SLC24A4: variants seen among roughly 807,000 people sequenced by gnomAD.
The protein encoded by SLC24A4 is solute carrier family 24 member 4, also known as sodium/potassium/calcium exchanger 4.
SLC24A4 carries 53 observed loss-of-function variants against 79.0 expected under a neutral mutation model. The observed-to-expected ratio is 0.67, with a 90% CI of 0.54 to 0.84. SLC24A4 has a LOEUF of 0.84. Among genes scored for constraint, SLC24A4 ranks in the 40% least tolerant of loss-of-function variants. The pLI is 0.00. For missense variants in SLC24A4, 731 were observed against 822.0 expected (o/e 0.89, Z 1.35); for synonymous variants, 323 against 323.8 (o/e 1.00, Z 0.03).
intron 2 of SLC24A4, among the ~76,000 whole-genome samples, 162 bp downstream of exon 2, chr14:92,326,140 G>A (rs1885115778): frequency 1.3e-5 from 2 of 152,212 alleles, no homozygotes; most frequent in South Asian, 4.1e-4. Flanking sequence ...AAAGACATTC[G>A]TCAATGGTGC....
At chr14:92,410,809 C>T (rs1890667823) in intron 2 of SLC24A4, among the ~76,000 whole-genome samples, 2 of 152,328 alleles carry the variant, frequency 1.3e-5, no homozygotes, top group East Asian at 1.9e-4. Context: ...CCTCTGCGGT[C>T]TCTGGATGAA....
intron 5 of SLC24A4, 42 bp downstream of exon 5, chr14:92,442,215 T>C: frequency 6.5e-7 from 1 of 1,539,354 alleles, no homozygotes. Flanking sequence ...ATCTAGAGAG[T>C]CCATTTGGTG....
rs564901433 is a variant in SLC24A4 at position 92,497,801 on chromosome 14, A to G, written c.*4173A>G. ...CCCATCTTTCCTTTCCTTCTGGGCC[A>G]TGCTCCTCCCTGGCTGGAAAAAGGT... On this transcript the variant is annotated 3_prime_UTR_variant, in exon 17 of 17. Coordinates refer to ENST00000532405, the MANE Select transcript of SLC24A4 (RefSeq NM_153646.4). 12 of 152,476 alleles carry G rather than the reference A, an allele frequency of 7.9e-5. No homozygotes were observed. In the East Asian group the frequency reaches 1.7e-3, roughly 22 times the overall value. The allele number at this position is 152,476 out of a possible 1,614,324, so 9.4% of individuals were successfully genotyped here.
chr14:92,384,165 G>A (rs184898020), intron 2 of SLC24A4, among the ~76,000 whole-genome samples: 2 of 152,182 alleles, frequency 1.3e-5, no homozygotes, highest in East Asian at 3.8e-4. Context: ...CTCCTCAGAA[G>A]AGCGTGGCAA....
rs1206177240 is a variant in SLC24A4 at position 92,398,576 on chromosome 14, C to T, written c.242-35336C>T. ...TAAGAAAAAGCCTGTTAGCCTCAGC[C>T]CCTTGCTCCCAGGACCACACCTGGC... is the stretch of plus-strand genomic sequence containing the variant. On this transcript the variant is annotated intron_variant, in intron 2 of 16. Coordinates refer to ENST00000532405, the MANE Select transcript of SLC24A4 (RefSeq NM_153646.4). The surrounding 1 kb of genome is among the most constrained non-coding windows in gnomAD (Gnocchi z 4.1). 6.6e-6 allele frequency among the ~76,000 whole-genome samples: 1 copy of T among 152,206 alleles called. No homozygotes were observed. The highest frequency in any genetic ancestry group is 2.4e-5 in the African/African-American group (1 of 41,446).
At chr14:92,349,276 C>G (rs1160203412) in intron 2 of SLC24A4, among the ~76,000 whole-genome samples, 1 of 152,060 alleles carries the variant, frequency 6.6e-6, no homozygotes, top group Non-Finnish European at 1.5e-5. Context: ...TACCCTGCCT[C>G]AGCCTCCTGA....
Position 92,445,303 on chromosome 14 carries a change from C to A in SLC24A4, c.658-14C>A, listed in dbSNP as rs756299672. ...TGTCCCACCCACCTCAACTCTGTTT[C>A]TTTTGCCTTACAGTTCATATATGAT... On this transcript the variant is annotated splice_polypyrimidine_tract_variant and intron_variant, in intron 7 of 16. Transcript: ENST00000532405. 1.2e-6 allele frequency: 2 copies of A among 1,614,142 alleles called. No individual in the cohort carries two copies. The highest frequency in any genetic ancestry group is 2.2e-5 in the South Asian group (2 of 91,080).
At position 92,496,467 on chromosome 14, in the gene SLC24A4, T is replaced by TG. The variant is rs1442747238; in HGVS notation, c.*2844dup. 1 of 151,758 alleles carries TG rather than the reference T, an allele frequency of 6.6e-6. No homozygotes were observed. The highest frequency in any genetic ancestry group is 1.5e-5 in the Non-Finnish European group (1 of 67,936). 9.4% of individuals were successfully genotyped at this position (151,758 alleles called of 1,614,324 possible). Reference sequence around the variant, plus strand: ...AAAAAATGAATTTAGCTCTTCTCATTGGGGGCAGAAAAGAAAAAAAAAACC... The same window carrying TG: ...AAAAAATGAATTTAGCTCTTCTCATTGGGGGGCAGAAAAGAAAAAAAAAACC... On this transcript the variant is annotated 3_prime_UTR_variant, in exon 17 of 17. Coordinates refer to ENST00000532405, the MANE Select transcript of SLC24A4 (RefSeq NM_153646.4).
chr14:92,470,485 C>T (rs1360677881), intron 12 of SLC24A4, among the ~76,000 whole-genome samples: 1 of 152,168 alleles, frequency 6.6e-6, no homozygotes, highest in African/African-American at 2.4e-5. Context: ...ATTTTTTTCT[C>T]CAGTCTGATT....
chr14:92,432,698 C>T (rs1285347186), intron 2 of SLC24A4, among the ~76,000 whole-genome samples: 1 of 152,174 alleles, frequency 6.6e-6, no homozygotes, highest in Non-Finnish European at 1.5e-5. Flanking sequence ...TTAAATGCTG[C>T]TTGTTTCAAA....
chr14:92,351,203 C>T (rs11847904), intron 2 of SLC24A4, among the ~76,000 whole-genome samples: 19,880 of 151,660 alleles, frequency 0.13, 1,505 homozygotes, highest in African/African-American at 0.19. Flanking sequence ...GCTGAAATCT[C>T]CCTCTCTCTC....
intron 1 of SLC24A4, among the ~76,000 whole-genome samples, chr14:92,324,355 G>A (rs1002320393): frequency 1.3e-5 from 2 of 152,228 alleles, no homozygotes; most frequent in South Asian, 2.1e-4. Context: ...CGCAGGAACC[G>A]CCACTGCGTC....
At chr14:92,347,648 G>T (rs968103884) in intron 2 of SLC24A4, among the ~76,000 whole-genome samples, 2 of 152,186 alleles carry the variant, frequency 1.3e-5, no homozygotes, top group East Asian at 1.9e-4. Context: ...TACTTTCAAG[G>T]CCGGGTGAGG....
chr14:92,441,918 G>A lies in SLC24A4; in HGVS notation c.394-171G>A, dbSNP rs1000897942. ...TGGAATGCCTGGTGGAGGCTGGAGG[G>A]CAGATGGCAGAGGGCACACAGCATG... On this transcript the variant is annotated intron_variant, in intron 4 of 16. Coordinates refer to ENST00000532405, the MANE Select transcript of SLC24A4 (RefSeq NM_153646.4). This position sits in a 1 kb window ranked among gnomAD's most constrained non-coding sequence, Gnocchi z 4.6. 1.3e-5 allele frequency among the ~76,000 whole-genome samples: 2 copies of A among 152,184 alleles called. No individual in the cohort carries two copies. Among genetic ancestry groups the A allele is most frequent in the South Asian group, 2.1e-4 (1 of 4,822 alleles).
rs1391254998 is a variant in SLC24A4, at chr14:92,490,614, C to T, written c.1538-1051C>T. ...GGATGCTGTACCAGGGGACCTTGGG[C>T]CGCCTGCAAACTGTGCCCTTGGGCA... is the stretch of plus-strand genomic sequence containing the variant. On this transcript the variant is annotated intron_variant, in intron 14 of 16. Coordinates refer to ENST00000532405, the MANE Select transcript of SLC24A4 (RefSeq NM_153646.4). The surrounding 1 kb of genome is among the most constrained non-coding windows in gnomAD (Gnocchi z 4.3). 1.3e-5 allele frequency among the ~76,000 whole-genome samples: 2 copies of T among 152,208 alleles called. No individual in the cohort carries two copies. Among genetic ancestry groups the T allele is most frequent in the Non-Finnish European group, 2.9e-5 (2 of 68,042 alleles).
intron 2 of SLC24A4, among the ~76,000 whole-genome samples, chr14:92,415,158 G>A (rs923930659): frequency 4.6e-5 from 7 of 152,176 alleles, no homozygotes; most frequent in Admixed American, 2.6e-4. Flanking sequence ...CTGTGGAAGG[G>A]CTGGACTTGT....
chr14:92,404,762 C>G (rs542205267), intron 2 of SLC24A4, among the ~76,000 whole-genome samples: 37 of 152,290 alleles, frequency 2.4e-4, no homozygotes, highest in Middle Eastern at 6.8e-3. Flanking sequence ...GCTCTGGAAA[C>G]TATCAGAATG....
intron 12 of SLC24A4, among the ~76,000 whole-genome samples, chr14:92,476,140 C>T (rs1271481539): frequency 2.0e-5 from 3 of 152,178 alleles, no homozygotes; most frequent in Non-Finnish European, 4.4e-5. Context: ...CCCGCAAAGA[C>T]GTTCCTGGGC....
intron 2 of SLC24A4, among the ~76,000 whole-genome samples, chr14:92,341,197 AG>A: frequency 6.6e-6 from 1 of 152,172 alleles, no homozygotes; most frequent in East Asian, 1.9e-4. Flanking sequence ...CCTGGGAGGG[AG>A]GGGCCACTGG....
Sources: gnomAD v4.1 joint callset for allele counts (sites outside exome capture counted in the v4.1 genomes callset) on GRCh38, gnomAD v4.1.1 for gene constraint, Gnocchi (gnomAD v3.1) non-coding constraint, MANE v1.5 for transcripts, NCBI Gene and HGNC (gene_info 2026-07-23, HGNC 2026-07-21) for gene names.